Variants in PIK3C2G observed in about 807,000 individuals in gnomAD.
PIK3C2G encodes phosphatidylinositol-4-phosphate 3-kinase catalytic subunit type 2 gamma, also known as phosphatidylinositol 3-kinase C2 domain-containing subunit gamma.
A neutral mutation model predicts 181.1 loss-of-function variants in PIK3C2G; 168 were observed. The observed-to-expected ratio is 0.93, with a 90% CI of 0.82 to 1.05. The LOEUF (loss-of-function observed/expected upper bound fraction) is 1.05. Ranked by LOEUF, PIK3C2G falls within the 50% of genes least tolerant of loss-of-function variation. The pLI is 0.00. For missense variants in PIK3C2G, 1,869 were observed against 1,732.8 expected, an observed-to-expected ratio of 1.08 and a Z score of -1.40; for synonymous variants, 573 against 592.2, an observed-to-expected ratio of 0.97 and a Z score of 0.47.
intron 7 of PIK3C2G, among the ~76,000 whole-genome samples, chr12:18,324,238 C>T (rs1951237043): frequency 6.6e-6 from 1 of 152,042 alleles, no homozygotes; most frequent in Admixed American, 6.5e-5. Flanking sequence ...AAACCACTGC[C>T]ATTGCCCAAA....
At chr12:18,545,962 G>A (rs1246344608) in intron 25 of PIK3C2G, among the ~76,000 whole-genome samples, 2 of 151,806 alleles carry the variant, frequency 1.3e-5, no homozygotes, top group Admixed American at 1.3e-4. Context: ...AAGACTCAGA[G>A]GTTAAGGAAC....
intron 16 of PIK3C2G, among the ~76,000 whole-genome samples, chr12:18,408,275 T>C (rs1470783926): frequency 6.6e-6 from 1 of 152,196 alleles, no homozygotes; most frequent in Non-Finnish European, 1.5e-5. Context: ...TTTAGCTTTC[T>C]GGATATGGCT....
chr12:18,596,459 G>T (rs1565545093), intron 30 of PIK3C2G, among the ~76,000 whole-genome samples: 1 of 151,828 alleles, frequency 6.6e-6, no homozygotes. Flanking sequence ...AATTAATATA[G>T]CCCACATACC....
intron 3 of PIK3C2G, among the ~76,000 whole-genome samples, chr12:18,287,727 G>A (rs923411410): frequency 6.6e-6 from 1 of 151,452 alleles, no homozygotes; most frequent in African/African-American, 2.4e-5. Context: ...TGCTGGGTGT[G>A]GTGGCGTGCA....
intron 31 of PIK3C2G, among the ~76,000 whole-genome samples, chr12:18,637,813 C>T (rs939818605): frequency 1.1e-4 from 16 of 152,158 alleles, no homozygotes; most frequent in Non-Finnish European, 1.6e-4. Context: ...AATCCACTCT[C>T]CATATGCTTT....
At chr12:18,448,600 T>C (rs1424925868) in intron 18 of PIK3C2G, among the ~76,000 whole-genome samples, 1 of 152,114 alleles carries the variant, frequency 6.6e-6, no homozygotes, top group African/African-American at 2.4e-5. Flanking sequence ...TTGGACTTTC[T>C]TTTAGATCCC....
intron 29 of PIK3C2G, among the ~76,000 whole-genome samples, chr12:18,574,228 A>G (rs1946119398): frequency 6.6e-6 from 1 of 152,226 alleles, no homozygotes; most frequent in Non-Finnish European, 1.5e-5. Context: ...TATCCTTAAA[A>G]GTAAAGAGTA....
chr12:18,264,582 T>G (rs2137013536), intron 1 of PIK3C2G, among the ~76,000 whole-genome samples: 1 of 152,264 alleles, frequency 6.6e-6, no homozygotes, highest in South Asian at 2.1e-4. Context: ...CTTCCTCCTT[T>G]GTTGTGATAT....
intron 24 of PIK3C2G, among the ~76,000 whole-genome samples, chr12:18,514,283 T>G (rs1341628182): frequency 1.3e-5 from 2 of 151,938 alleles, no homozygotes; most frequent in African/African-American, 4.8e-5. Context: ...CATGTGCACC[T>G]GAGAAGAATG....
intron 31 of PIK3C2G, among the ~76,000 whole-genome samples, chr12:18,614,272 C>A (rs938900385): frequency 3.9e-5 from 6 of 152,164 alleles, no homozygotes; most frequent in African/African-American, 1.4e-4. Flanking sequence ...GTGAAGAGTA[C>A]CTGTCCAGAT....
At chr12:18,578,164 C>CTGGGAAACTCTACCCCAGAAAG (rs1228476111) in intron 29 of PIK3C2G, among the ~76,000 whole-genome samples, 5 of 152,158 alleles carry the variant, frequency 3.3e-5, no homozygotes, top group Admixed American at 2.6e-4. Context: ...ACGACCAGGT[C>CTGGGAAACTCTACCCCAGAAAG]TGGGAAACTC....
intron 24 of PIK3C2G, among the ~76,000 whole-genome samples, chr12:18,526,124 A>G (rs189736583): frequency 1.3e-5 from 2 of 152,300 alleles, no homozygotes; most frequent in East Asian, 3.9e-4. Context: ...AATCTTCCCA[A>G]TTTAAAACTA....
At chr12:18,306,024 C>T (rs997947615) in intron 5 of PIK3C2G, among the ~76,000 whole-genome samples, 4 of 150,982 alleles carry the variant, frequency 2.6e-5, no homozygotes, top group Non-Finnish European at 4.4e-5. Flanking sequence ...GTAGGGAGAG[C>T]GTTGCAAACT....
chr12:18,302,607 A>C (rs1252204965), intron 5 of PIK3C2G, among the ~76,000 whole-genome samples: 1 of 152,092 alleles, frequency 6.6e-6, no homozygotes, highest in Non-Finnish European at 1.5e-5. Context: ...AGAGCAGCTC[A>C]ATCCCCAGGT....
chr12:18,319,269 G>T (rs986511976), intron 6 of PIK3C2G, among the ~76,000 whole-genome samples: 8 of 152,014 alleles, frequency 5.3e-5, no homozygotes, highest in Admixed American at 4.6e-4. Context: ...ATAAAATCAA[G>T]ATTTTCTTAT....
intron 18 of PIK3C2G, among the ~76,000 whole-genome samples, chr12:18,444,260 T>C (rs1946902842): frequency 6.6e-6 from 1 of 152,162 alleles, no homozygotes; most frequent in Admixed American, 6.6e-5. Flanking sequence ...AGTAGTCTTA[T>C]CAGTAGTATG....
the PIK3C2G span, chr12:18,683,176 G>GA: frequency 1.5e-6 from 2 of 1,351,944 alleles, no homozygotes; most frequent in Non-Finnish European, 2.1e-6. Context: ...AAAACATAAA[G>GA]ACATTCATTT....
At chr12:18,337,009 A>G (rs958093887) in intron 8 of PIK3C2G, among the ~76,000 whole-genome samples, 4 of 152,180 alleles carry the variant, frequency 2.6e-5, no homozygotes, top group Non-Finnish European at 4.4e-5. Flanking sequence ...CTGTGAACAC[A>G]TATCTTTGTG....
At chr12:18,284,114 A>G (rs528454155) in intron 2 of PIK3C2G, among the ~76,000 whole-genome samples, 2 of 152,242 alleles carry the variant, frequency 1.3e-5, no homozygotes, top group South Asian at 2.1e-4. Flanking sequence ...GGCTTGGCCA[A>G]GTATTGGGAT....
Sources: allele counts gnomAD v4.1 joint callset (sites outside exome capture counted in the v4.1 genomes callset), GRCh38; gene constraint gnomAD v4.1.1; transcripts MANE v1.5; gene names NCBI Gene and HGNC (gene_info 2026-07-23, HGNC 2026-07-21).